The following PARP4 variants were observed in gnomAD, a reference collection of about 807,000 sequenced individuals.
The protein encoded by PARP4 is protein mono-ADP-ribosyltransferase PARP4.
PARP4 carries 120 observed loss-of-function variants against 187.7 expected under a neutral mutation model. The observed-to-expected ratio is 0.64, with a 90% CI of 0.55 to 0.74. The LOEUF (loss-of-function observed/expected upper bound fraction) is 0.74, where lower values mean the gene tolerates loss of function less well. Among genes scored for constraint, PARP4 ranks in the 30% least tolerant of loss-of-function variants. PARP4 has a pLI of 0.00. For synonymous variants in PARP4, 654 were observed against 740.9 expected, an observed-to-expected ratio of 0.88 and a Z score of 1.90; for missense variants, 1,836 against 2,070.5, an observed-to-expected ratio of 0.89 and a Z score of 2.20.
chr13:24,507,147 C>T (rs543118333), intron 1 of PARP4, among the ~76,000 whole-genome samples: 4 of 152,340 alleles, frequency 2.6e-5, no homozygotes, highest in East Asian at 1.9e-4. Flanking sequence ...TGCGCTGGCC[C>T]GCAAGCGCCG....
At chr13:24,456,184 G>A (rs781017175) in intron 21 of PARP4, among the ~76,000 whole-genome samples, 157 bp downstream of exon 21, 2 of 152,180 alleles carry the variant, frequency 1.3e-5, no homozygotes, top group African/African-American at 4.8e-5. Flanking sequence ...TGGCATGCTT[G>A]ATATCATAAA....
intron 21 of PARP4, among the ~76,000 whole-genome samples, chr13:24,456,078 G>C (rs1164677701): frequency 5.3e-5 from 8 of 152,132 alleles, no homozygotes; most frequent in Admixed American, 5.2e-4. Flanking sequence ...TGTAATGTCT[G>C]ATGGCACATG....
chr13:24,499,427 C>T (rs776509360), intron 4 of PARP4, 51 bp from the exon 5 acceptor site: 2 of 1,451,858 alleles, frequency 1.4e-6, no homozygotes, highest in Non-Finnish European at 1.9e-6. Flanking sequence ...GGATTTTAGG[C>T]TAAACAGAAT....
intron 24 of PARP4, 66 bp downstream of exon 24, chr13:24,452,340 C>T: frequency 5.3e-6 from 7 of 1,329,394 alleles, no homozygotes; most frequent in Non-Finnish European, 7.3e-6. Context: ...TGCCAAAGTC[C>T]CCTGCAGGGC....
chr13:24,437,586 C>A (rs1269828885), intron 30 of PARP4, among the ~76,000 whole-genome samples: 1 of 126,374 alleles, frequency 7.9e-6, no homozygotes, highest in Non-Finnish European at 1.7e-5. Context: ...GGAAGTGATA[C>A]ATAGGGCTGT....
Position 24,506,378 on chromosome 13 carries a change from G to C in PARP4, c.-1-2601C>G, listed in dbSNP as rs149313656. Among the ~76,000 whole-genome samples the C allele has an allele frequency of 5.5e-3, 833 of 152,252 alleles. 7 individuals are homozygous for C. Among genetic ancestry groups the C allele is most frequent in the African/African-American group, 0.019 (795 of 41,546 alleles). ...TTTACTGCAAGGAGTGAAAAACAAA[G>C]CTTCCACAGCGTGGAAGAGGACCCC... is the stretch of plus-strand genomic sequence containing the variant. On this transcript the variant is annotated intron_variant, in intron 1 of 33. Coordinates refer to ENST00000381989, the MANE Select transcript of PARP4 (RefSeq NM_006437.4).
intron 30 of PARP4, among the ~76,000 whole-genome samples, chr13:24,439,741 A>G (rs1336241022): frequency 6.6e-6 from 1 of 152,232 alleles, no homozygotes; most frequent in Non-Finnish European, 1.5e-5. Flanking sequence ...GTAAGTCTCA[A>G]GGACAAACAG....
At chr13:24,477,404 C>T (rs1045178671) in intron 14 of PARP4, among the ~76,000 whole-genome samples, 2 of 151,832 alleles carry the variant, frequency 1.3e-5, no homozygotes, top group African/African-American at 4.8e-5. Flanking sequence ...GGCTGCAGTG[C>T]ACTTTGATCA....
chr13:24,441,816 A>G lies in PARP4; in HGVS notation c.3666+30T>C, dbSNP rs555610406. ...ATCTTCATGAAAAAACGAAAGCTCA[A>G]TATCAACTTATTCGGTAATCAGCAT... On this transcript the variant is annotated intron_variant, in intron 30 of 33. Coordinates refer to ENST00000381989, the MANE Select transcript of PARP4 (RefSeq NM_006437.4). 1.3e-5 allele frequency: 20 copies of G among 1,555,038 alleles called. No homozygotes were observed. The South Asian group carries it at 1.7e-4, about 13-fold the overall frequency.
chr13:24,486,071 G>C, intron 11 of PARP4, 97 bp downstream of exon 11: 1 of 1,036,134 alleles, frequency 9.7e-7, no homozygotes, highest in Non-Finnish European at 1.4e-6. Context: ...TAACTGAAAA[G>C]ACTCACGTAA....
At chr13:24,471,546 C>A (rs539623462) in intron 15 of PARP4, among the ~76,000 whole-genome samples, 1 of 152,244 alleles carries the variant, frequency 6.6e-6, no homozygotes, top group East Asian at 1.9e-4. Flanking sequence ...AGCTTAACAT[C>A]ATCAATTTAT....
At position 24,503,712 on chromosome 13, in the gene PARP4, T is replaced by C; in HGVS notation, c.65A>G (p.Gln22Arg). 3 of 1,613,940 alleles carry C rather than the reference T, an allele frequency of 1.9e-6. No individual in the cohort carries two copies. The highest frequency in any genetic ancestry group is 2.5e-6 in the Non-Finnish European group (3 of 1,179,822). ...AATGTCAGTTTGTAGCTTTTTCTTC[T>C]GCTGCTGAGGTAAGTACTTCACTTT... is the stretch of plus-strand genomic sequence containing the variant. ...CLKVKYLPQQ[Q>R]KKKLQTDIKE... The change falls in exon 2 of 34, where the codon CAG becomes CGG. Residue 22 changes from glutamine (Q) to arginine (R), a missense_variant. This residue lies in a region of PARP4 where 1,147 missense variants were observed against 1,214.2 expected (regional missense o/e 0.94). Coordinates refer to ENST00000381989, the MANE Select transcript of PARP4 (RefSeq NM_006437.4).
chr13:24,473,048 G>A (rs1458410230), intron 15 of PARP4, among the ~76,000 whole-genome samples: 6 of 151,816 alleles, frequency 4.0e-5, no homozygotes, highest in African/African-American at 1.2e-4. Flanking sequence ...CTCCCATCTC[G>A]ACCTCCCAAG....
At chr13:24,444,798 C>T (rs1426195985) in intron 27 of PARP4, among the ~76,000 whole-genome samples, 1 of 152,182 alleles carries the variant, frequency 6.6e-6, no homozygotes, top group Non-Finnish European at 1.5e-5. Context: ...TTTGCATCTG[C>T]AGAGGAATCG....
intron 25 of PARP4, among the ~76,000 whole-genome samples, chr13:24,449,296 A>G (rs757820364): frequency 2.2e-4 from 33 of 151,428 alleles, no homozygotes; most frequent in Non-Finnish European, 2.8e-4. Flanking sequence ...GCTGAGGCAG[A>G]AGAATGGCGT....
At chr13:24,448,482 G>A (rs1871328499) in intron 25 of PARP4, among the ~76,000 whole-genome samples, 1 of 150,550 alleles carries the variant, frequency 6.6e-6, no homozygotes, top group South Asian at 2.1e-4. Context: ...ATGAGTGTTG[G>A]TGAGGATGTG....
intron 24 of PARP4, among the ~76,000 whole-genome samples, chr13:24,450,383 C>T (rs1279065801): frequency 6.6e-6 from 1 of 150,502 alleles, no homozygotes; most frequent in Non-Finnish European, 1.5e-5. Context: ...AGGAATTCCT[C>T]CTGAAATATT....
intron 1 of PARP4, among the ~76,000 whole-genome samples, chr13:24,506,372 A>G (rs1021311064): frequency 6.6e-6 from 1 of 152,078 alleles, no homozygotes; most frequent in Non-Finnish European, 1.5e-5. Context: ...AGGAGTGAAA[A>G]ACAAAGCTTC....
chr13:24,464,958 C>A lies in PARP4; in HGVS notation c.2133+4066G>T, dbSNP rs527296605. Reference sequence around the variant, plus strand: ...TAAACAAATTTACAAGAAAAAAAAACCCCATTAAAAAGTGGGCAAAGGACA... The same window carrying A: ...TAAACAAATTTACAAGAAAAAAAAAACCCATTAAAAAGTGGGCAAAGGACA... On this transcript the variant is annotated intron_variant, in intron 17 of 33. Transcript: ENST00000381989. Among the ~76,000 whole-genome samples the A allele has an allele frequency of 8.6e-5, 13 of 151,750 alleles. No homozygotes were observed. The East Asian group carries it at 9.7e-4, about 11-fold the overall frequency.
Sources: gnomAD v4.1 joint callset for allele counts (sites outside exome capture counted in the v4.1 genomes callset) on GRCh38, gnomAD v4.1.1 for gene constraint, gnomAD v4.1.1 regional missense constraint, MANE v1.5 for transcripts, NCBI Gene and HGNC (gene_info 2026-07-23, HGNC 2026-07-21) for gene names.